EARS2: variants seen among roughly 807,000 people sequenced by gnomAD.
The protein encoded by EARS2 is nondiscriminating glutamyl-tRNA synthetase EARS2, mitochondrial.
In EARS2, 50 loss-of-function variants were observed where a neutral mutation model predicts 54.1. That is an observed-to-expected ratio of 0.92 (90% confidence interval 0.74 to 1.17). The LOEUF (loss-of-function observed/expected upper bound fraction) is 1.17. Among genes scored for constraint, EARS2 ranks in the 50% most tolerant of loss-of-function variants. EARS2 has a pLI of 0.00. For missense variants in EARS2, 673 were observed against 675.0 expected (o/e 1.00, Z 0.03); for synonymous variants, 298 against 281.0 (o/e 1.06, Z -0.61).
At chr16:23,543,403 C>T (rs1965548010) in intron 3 of EARS2, among the ~76,000 whole-genome samples, 1 of 150,640 alleles carries the variant, frequency 6.6e-6, no homozygotes, top group Non-Finnish European at 1.5e-5. Flanking sequence ...CAAAGTAAGA[C>T]CCTGACTCTA....
intron 3 of EARS2, among the ~76,000 whole-genome samples, chr16:23,544,118 C>T (rs1487312495): frequency 1.3e-5 from 2 of 152,188 alleles, no homozygotes; most frequent in Non-Finnish European, 2.9e-5. Flanking sequence ...TAGGTAGACT[C>T]CAGCTCGTAC....
chr16:23,531,981 T>A (rs1409799009), intron 5 of EARS2, among the ~76,000 whole-genome samples: 1 of 152,066 alleles, frequency 6.6e-6, no homozygotes, highest in Admixed American at 6.6e-5. Context: ...TCCAGCTAAT[T>A]TTTGTATTTT....
intron 4 of EARS2, among the ~76,000 whole-genome samples, chr16:23,534,162 C>T (rs1032836728): frequency 6.6e-5 from 10 of 152,234 alleles, no homozygotes; most frequent in South Asian, 4.2e-4. Context: ...AGGCCTAAAG[C>T]GCTATATCCC....
chr16:23,540,742 G>C (rs1164871410), intron 3 of EARS2, among the ~76,000 whole-genome samples: 3 of 152,096 alleles, frequency 2.0e-5, no homozygotes, highest in Non-Finnish European at 1.5e-5. Context: ...TAGCACTTTG[G>C]GAGGCCGAGG....
chr16:23,523,397 C>G lies in EARS2; in HGVS notation c.*974G>C, dbSNP rs544098976. On this transcript the variant is annotated 3_prime_UTR_variant, in exon 9 of 9. Transcript: ENST00000449606. ...AATAGGAAGGGTGAAGGTCTCCAGTCCAAGGACCAGGTCTGGAAGACTGGA... is the reference window on the plus strand; with the variant it reads ...AATAGGAAGGGTGAAGGTCTCCAGTGCAAGGACCAGGTCTGGAAGACTGGA... 29 of 152,302 alleles carry G rather than the reference C, an allele frequency of 1.9e-4. No individual in the cohort carries two copies. The highest frequency in any genetic ancestry group is 6.5e-4 in the African/African-American group (27 of 41,556). 9.4% of individuals were successfully genotyped at this position (152,302 alleles called of 1,614,324 possible).
At chr16:23,553,106 C>T (rs931396515) in intron 1 of EARS2, 2 of 316,658 alleles carry the variant, frequency 6.3e-6, no homozygotes, top group Non-Finnish European at 1.3e-5. Context: ...CCAGCCTGGG[C>T]AGCAGTAGAG....
Position 23,521,869 on chromosome 16 carries a change from T to A in EARS2, c.*2502A>T. ...AGATGCTCTGACAACACTCAGTAGA[T>A]CAGAGTTAAGCTTGGACTCTGGATC... On this transcript the variant is annotated 3_prime_UTR_variant, in exon 9 of 9. Coordinates refer to ENST00000449606, the MANE Select transcript of EARS2 (RefSeq NM_001083614.2). The A allele has an allele frequency of 2.2e-6, 1 of 456,060 alleles. No homozygotes were observed. Among genetic ancestry groups the A allele is most frequent in the Non-Finnish European group, 4.4e-6 (1 of 226,792 alleles). 28.3% of individuals were successfully genotyped at this position (456,060 alleles called of 1,614,324 possible). A position where few individuals can be genotyped will look rare whatever the true frequency, so the allele number is the denominator to read the frequency against.
At chr16:23,546,198 G>A (rs1055737070) in intron 2 of EARS2, among the ~76,000 whole-genome samples, 3 of 152,148 alleles carry the variant, frequency 2.0e-5, no homozygotes, top group Non-Finnish European at 4.4e-5. Flanking sequence ...AATTCCCTCC[G>A]ATTACATAGG....
At chr16:23,524,884 A>T (rs932895002) in intron 8 of EARS2, 22 of 446,664 alleles carry the variant, frequency 4.9e-5, no homozygotes, top group Admixed American at 1.2e-4. Context: ...ACCTCAGGTG[A>T]TCCACCTGCC....
At chr16:23,539,015 T>C (rs1329256162) in intron 3 of EARS2, among the ~76,000 whole-genome samples, 2 of 140,988 alleles carry the variant, frequency 1.4e-5, no homozygotes, top group East Asian at 4.3e-4. Context: ...TCTCATTCTG[T>C]CTCCCAGGCT....
rs1012462813 is a variant in EARS2, at chr16:23,525,013, G to A, written c.1488+231C>T. The A allele has an allele frequency of 3.3e-5, 20 of 613,182 alleles. No individual in the cohort carries two copies. In the Admixed American group the frequency reaches 5.3e-4, roughly 16 times the overall value. The allele number at this position is 613,182 out of a possible 1,614,324, so 38.0% of individuals were successfully genotyped here. On this transcript the variant is annotated intron_variant, in intron 8 of 8. Coordinates refer to ENST00000449606, the MANE Select transcript of EARS2 (RefSeq NM_001083614.2). The stretch of plus-strand genomic sequence containing the variant: ...CCAATAAACTGCAAACCCCATGGAG[G>A]CAGAGATTATGTATGTGTGTTTAAT...
In EARS2 at chr16:23,532,641, C is replaced by T. The variant is rs1401049776; in HGVS notation, c.1067+16G>A. 4 of 1,594,340 alleles carry T rather than the reference C, an allele frequency of 2.5e-6. No homozygotes were observed. The highest frequency in any genetic ancestry group is 4.5e-5 in the East Asian group (2 of 44,776). The stretch of plus-strand genomic sequence containing the variant: ...AAGCCCTTTGCCACCAGGGGATCTC[C>T]ATGCTCCCCACTCACCTGTTGAATT... On this transcript the variant is annotated intron_variant, in intron 5 of 8. Coordinates refer to ENST00000449606, the MANE Select transcript of EARS2 (RefSeq NM_001083614.2).
At position 23,548,010 on chromosome 16, in the gene EARS2, C is replaced by A. The variant is rs373991984; in HGVS notation, c.296-3307G>T. Among the ~76,000 whole-genome samples, 6 of 151,846 alleles carry A rather than the reference C, an allele frequency of 4.0e-5. No homozygotes were observed. In the East Asian group the frequency reaches 7.8e-4, roughly 20 times the overall value. On this transcript the variant is annotated intron_variant, in intron 2 of 8. Transcript: ENST00000449606. The stretch of plus-strand genomic sequence containing the variant: ...CTTTGGGAGGCTGAGGCGGGCAGAT[C>A]ACGAGGTCAGGAGATCAAGACCATC...
rs755318395 is a variant in EARS2 at position 23,532,741 on chromosome 16, G to A, written c.983C>T (p.Pro328Leu). 147 of 1,613,620 alleles carry A rather than the reference G, an allele frequency of 9.1e-5. No homozygotes were observed. The highest frequency in any genetic ancestry group is 3.3e-4 in the Middle Eastern group (2 of 6,078). Residue 328 changes from proline (P) to leucine (L), a missense_variant, in exon 5 of 9, where the codon CCG (proline) becomes CTG (leucine). Physicochemically the swap from Pro to Leu is moderately conservative, Grantham distance 98. Around this residue, in one of 3 missense-constraint regions of EARS2, gnomAD observed 338 missense variants for 361.2 expected, o/e 0.94. Transcript: ENST00000449606. ...FAENQMGRTL[P>L]ELITQFNLTQ... ...CAGGTTGAACTGTGTGATCAGCTCCGGCAGGGTCCTGCCCATTTGGTTCTC... is the reference window on the plus strand; with the variant it reads ...CAGGTTGAACTGTGTGATCAGCTCCAGCAGGGTCCTGCCCATTTGGTTCTC...
At chr16:23,550,014 A>T (rs926676951) in intron 2 of EARS2, among the ~76,000 whole-genome samples, 3 of 152,126 alleles carry the variant, frequency 2.0e-5, no homozygotes, top group Non-Finnish European at 4.4e-5. Flanking sequence ...CTAGTTTCTA[A>T]GCCTGTTACT....
intron 1 of EARS2, chr16:23,553,252 G>A (rs1965725171): frequency 6.5e-6 from 1 of 153,808 alleles, no homozygotes; most frequent in South Asian, 1.9e-4. Flanking sequence ...CCAGGATTTG[G>A]AGCATGTCAT....
intron 8 of EARS2, 170 bp downstream of exon 8, chr16:23,525,074 G>T: frequency 2.5e-6 from 2 of 794,336 alleles, no homozygotes; most frequent in Non-Finnish European, 4.1e-6. Context: ...CACAATGCTT[G>T]CACATAGTAG....
At chr16:23,554,038 G>T (rs942449075) in intron 1 of EARS2, among the ~76,000 whole-genome samples, 1 of 152,074 alleles carries the variant, frequency 6.6e-6, no homozygotes, top group Admixed American at 6.5e-5. Context: ...TTGAGATGGG[G>T]TCTCACTCTT....
At position 23,553,738 on chromosome 16, in the gene EARS2, CA is replaced by C. The variant is rs551701832; in HGVS notation, c.140-1435del. The stretch of plus-strand genomic sequence containing the variant: ...AACCCCGTCTCTACTAAAAATACCA[CA>C]AAAAAAATTAGCTGGGCATGGTGGT... On this transcript the variant is annotated intron_variant, in intron 1 of 8. Coordinates refer to ENST00000449606, the MANE Select transcript of EARS2 (RefSeq NM_001083614.2). Among the ~76,000 whole-genome samples the C allele has an allele frequency of 1.8e-3, 277 of 151,446 alleles. 3 individuals carry two copies. The highest frequency in any genetic ancestry group is 6.6e-3 in the African/African-American group (273 of 41,330).
Sources: gnomAD v4.1 joint callset for allele counts (sites outside exome capture counted in the v4.1 genomes callset) on GRCh38, gnomAD v4.1.1 for gene constraint, gnomAD v4.1.1 regional missense constraint, MANE v1.5 for transcripts, NCBI Gene and HGNC (gene_info 2026-07-23, HGNC 2026-07-21) for gene names.